AGBL4: variants seen among roughly 807,000 people sequenced by gnomAD.
AGBL4 encodes the protein AGBL carboxypeptidase 4, also known as cytosolic carboxypeptidase 6.
A neutral mutation model predicts 66.4 loss-of-function variants in AGBL4; 58 were observed. The observed-to-expected ratio is 0.87, with a 90% CI of 0.71 to 1.09. The LOEUF (loss-of-function observed/expected upper bound fraction) is 1.09, where lower values mean the gene tolerates loss of function less well. AGBL4 is among the 50% of genes least tolerant of loss of function. The pLI, the probability that AGBL4 is intolerant of heterozygous loss-of-function variation, is 0.00. For synonymous variants in AGBL4, 234 were observed against 222.9 expected (o/e 1.05, Z -0.44); for missense variants, 579 against 631.0 (o/e 0.92, Z 0.88).
intron 6 of AGBL4, chr1:48,776,478 G>A (rs1645089892): frequency 2.9e-6 from 2 of 693,218 alleles, no homozygotes; most frequent in South Asian, 2.5e-5. Context: ...ATGCCCAGAG[G>A]ACGGGAGAAG....
At chr1:49,280,998 C>G (rs1340935004) in intron 3 of AGBL4, among the ~76,000 whole-genome samples, 8 of 152,106 alleles carry the variant, frequency 5.3e-5, no homozygotes, top group South Asian at 4.1e-4. Flanking sequence ...GTTATTATTA[C>G]CGTATATATA....
intron 11 of AGBL4, among the ~76,000 whole-genome samples, chr1:48,561,021 C>T (rs1439152500): frequency 6.6e-6 from 1 of 152,228 alleles, no homozygotes; most frequent in Non-Finnish European, 1.5e-5. Flanking sequence ...GGCCATACTG[C>T]AGTGCTAGTC....
intron 3 of AGBL4, among the ~76,000 whole-genome samples, chr1:49,473,342 G>A (rs1279814324): frequency 6.6e-6 from 1 of 152,010 alleles, no homozygotes; most frequent in Non-Finnish European, 1.5e-5. Context: ...CATTCTGACT[G>A]GTATGAGATG....
At chr1:49,889,245 A>G (rs1648386770) in intron 1 of AGBL4, among the ~76,000 whole-genome samples, 2 of 152,154 alleles carry the variant, frequency 1.3e-5, no homozygotes, top group Admixed American at 1.3e-4. Flanking sequence ...AAGCTGAGGC[A>G]GGAGGTTCAC....
chr1:49,650,339 G>A (rs1011472184), intron 3 of AGBL4, among the ~76,000 whole-genome samples: 1 of 152,148 alleles, frequency 6.6e-6, no homozygotes, highest in Non-Finnish European at 1.5e-5. Flanking sequence ...CCACAGAAAG[G>A]GTAAGTGAGA....
intron 2 of AGBL4, among the ~76,000 whole-genome samples, chr1:49,778,450 G>A (rs1406901090): frequency 6.6e-6 from 1 of 152,118 alleles, no homozygotes; most frequent in Non-Finnish European, 1.5e-5. Flanking sequence ...CAAAACTAAT[G>A]TTATTTGGAA....
At chr1:49,119,114 T>G (rs377013002) in intron 4 of AGBL4, among the ~76,000 whole-genome samples, 1 of 152,024 alleles carries the variant, frequency 6.6e-6, no homozygotes, top group Non-Finnish European at 1.5e-5. Context: ...CTTGCTAGTG[T>G]TCTATCAATT....
chr1:49,127,100 AT>A (rs1645781004), intron 4 of AGBL4, among the ~76,000 whole-genome samples: 1 of 152,192 alleles, frequency 6.6e-6, no homozygotes, highest in Admixed American at 6.6e-5. Context: ...TTTATTTCAG[AT>A]TTTGGATAAT....
chr1:49,683,163 T>G (rs1292996685), intron 3 of AGBL4, among the ~76,000 whole-genome samples: 1 of 152,062 alleles, frequency 6.6e-6, no homozygotes, highest in African/African-American at 2.4e-5. Flanking sequence ...AGCAGGCCTC[T>G]TGGTTCAGGT....
chr1:49,351,175 CCTG>C (rs769072320), intron 3 of AGBL4, among the ~76,000 whole-genome samples: 20 of 152,150 alleles, frequency 1.3e-4, no homozygotes, highest in Non-Finnish European at 2.1e-4. Flanking sequence ...GTTCATCCTG[CCTG>C]CTATCCACCA....
intron 4 of AGBL4, among the ~76,000 whole-genome samples, chr1:49,145,600 G>A (rs1180960112): frequency 6.6e-6 from 1 of 152,148 alleles, no homozygotes; most frequent in Non-Finnish European, 1.5e-5. Context: ...AGGTAACAAA[G>A]CTATAGGTAG....
At chr1:49,432,262 C>T (rs1022848653) in intron 3 of AGBL4, among the ~76,000 whole-genome samples, 16 of 152,176 alleles carry the variant, frequency 1.1e-4, no homozygotes, top group African/African-American at 3.9e-4. Flanking sequence ...GATGAATGCA[C>T]ACTTACACGT....
intron 8 of AGBL4, chr1:48,647,647 T>C (rs319953): frequency 0.68 from 300,634 of 443,370 alleles, 103,798 homozygotes; most frequent in African/African-American, 0.85. Context: ...TTCATATTGT[T>C]GTACGGAGAT....
chr1:49,944,333 G>C (rs1039656514), intron 1 of AGBL4, among the ~76,000 whole-genome samples: 2 of 152,074 alleles, frequency 1.3e-5, no homozygotes, highest in African/African-American at 4.8e-5. Flanking sequence ...AGCAGATGGT[G>C]GTATCCACGG....
intron 4 of AGBL4, among the ~76,000 whole-genome samples, chr1:49,104,223 T>C (rs1645253618): frequency 6.6e-6 from 1 of 152,240 alleles, no homozygotes; most frequent in South Asian, 2.1e-4. Flanking sequence ...TAGAATTTAA[T>C]GTTCATTCCT....
chr1:49,272,120 GC>G (rs1345110753), intron 3 of AGBL4, among the ~76,000 whole-genome samples: 1 of 152,150 alleles, frequency 6.6e-6, no homozygotes, highest in Admixed American at 6.5e-5. Context: ...TTAAAAACAT[GC>G]AGTTTAAATA....
chr1:49,085,268 AT>A (rs1401459064), intron 4 of AGBL4, among the ~76,000 whole-genome samples: 2 of 146,604 alleles, frequency 1.4e-5, no homozygotes, highest in Non-Finnish European at 3.0e-5. Context: ...GACTTTCATC[AT>A]CATCATCATC....
chr1:49,742,223 G>A lies in AGBL4; in HGVS notation c.158-44786C>T, dbSNP rs534883085. On this transcript the variant is annotated intron_variant, in intron 2 of 13. Coordinates refer to ENST00000371839, the MANE Select transcript of AGBL4 (RefSeq NM_032785.4). Reference sequence around the variant, plus strand: ...CAAAGTCTCAGGATACAAAATCAATGTACAAAAATCACAAGCATTCTTATA... The same window carrying A: ...CAAAGTCTCAGGATACAAAATCAATATACAAAAATCACAAGCATTCTTATA... Among the ~76,000 whole-genome samples the A allele has an allele frequency of 2.9e-4, 43 of 150,194 alleles. 2 individuals carry two copies. In the South Asian group the frequency reaches 8.4e-3, roughly 29 times the overall value.
At chr1:49,928,417 G>A (rs957709360) in intron 1 of AGBL4, among the ~76,000 whole-genome samples, 3 of 151,764 alleles carry the variant, frequency 2.0e-5, no homozygotes, top group Non-Finnish European at 4.4e-5. Flanking sequence ...TGCCCAGCTA[G>A]TTTTTGTATT....
Sources: gnomAD v4.1 joint callset for allele counts (sites outside exome capture counted in the v4.1 genomes callset) on GRCh38, gnomAD v4.1.1 for gene constraint, MANE v1.5 for transcripts, NCBI Gene and HGNC (gene_info 2026-07-23, HGNC 2026-07-21) for gene names.